AUTS2: variants seen among roughly 807,000 people sequenced by gnomAD.
AUTS2 encodes the protein autism susceptibility gene 2 protein.
A neutral mutation model predicts 112.4 loss-of-function variants in AUTS2; 17 were observed. The ratio of observed to expected loss-of-function variants is 0.15; its 90% CI spans 0.10 to 0.23. The LOEUF (loss-of-function observed/expected upper bound fraction) is 0.23. Ranked by LOEUF, AUTS2 falls within the 10% of genes least tolerant of loss-of-function variation. The pLI is 1.00. For missense variants in AUTS2, 1,510 were observed against 1,701.6 expected (o/e 0.89, Z 1.98); for synonymous variants, 751 against 702.7 (o/e 1.07, Z -1.09).
intron 1 of AUTS2, among the ~76,000 whole-genome samples, chr7:69,846,941 A>G (rs191823320): frequency 6.6e-6 from 1 of 152,332 alleles, no homozygotes; most frequent in East Asian, 1.9e-4. Context: ...ATATGGAGCA[A>G]GCTAAGTCAT....
At chr7:69,704,006 T>C (rs973434155) in intron 1 of AUTS2, among the ~76,000 whole-genome samples, 11 of 152,198 alleles carry the variant, frequency 7.2e-5, no homozygotes, top group Admixed American at 4.6e-4. Context: ...GCTGCTGTGC[T>C]TCTGAGCTTT....
At chr7:69,691,174 G>A (rs548240849) in intron 1 of AUTS2, among the ~76,000 whole-genome samples, 1 of 152,188 alleles carries the variant, frequency 6.6e-6, no homozygotes, top group Non-Finnish European at 1.5e-5. Context: ...TCCATGGGTG[G>A]CCATGAGTGG....
rs199945820 is a variant in AUTS2, at chr7:69,599,841, C to T, written c.188C>T (p.Pro63Leu). 1.1e-5 allele frequency: 17 copies of T among 1,611,938 alleles called. No individual in the cohort carries two copies. In the Admixed American group the frequency reaches 1.8e-4, roughly 17 times the overall value. Residue 63 changes from proline (P) to leucine (L), a missense_variant, in exon 1 of 19, where the codon CCG (proline) becomes CTG (leucine). Physicochemically the swap from Pro to Leu is moderately conservative, Grantham distance 98. Around this residue, in one of 3 missense-constraint regions of AUTS2, gnomAD observed 535 missense variants for 594.3 expected, o/e 0.90. Coordinates refer to ENST00000342771, the MANE Select transcript of AUTS2 (RefSeq NM_015570.4). The surrounding 1 kb of genome is among the most constrained non-coding windows in gnomAD (Gnocchi z 7.0). ...GSDKEDNGKP[P>L]SSAPSRPRPP... ...GACAAGGAAGACAATGGGAAGCCCC[C>T]GTCCTCCGCCCCGTCCCGGCCCAGA...
At chr7:70,406,032 C>T (rs936318880) in intron 4 of AUTS2, among the ~76,000 whole-genome samples, 1 of 152,052 alleles carries the variant, frequency 6.6e-6, no homozygotes, top group African/African-American at 2.4e-5. Context: ...CAGTCCTCCC[C>T]CTGAAGGTAT....
intron 4 of AUTS2, among the ~76,000 whole-genome samples, chr7:70,420,628 G>A (rs1795178573): frequency 6.6e-6 from 1 of 152,238 alleles, no homozygotes; most frequent in African/African-American, 2.4e-5. Context: ...CTTGGAGCTA[G>A]GAGGCTCCTT....
chr7:69,735,942 A>G (rs925626024), intron 1 of AUTS2, among the ~76,000 whole-genome samples: 1 of 152,194 alleles, frequency 6.6e-6, no homozygotes, highest in African/African-American at 2.4e-5. Context: ...CTCTGCTTCC[A>G]AGATTAATTC....
intron 5 of AUTS2, among the ~76,000 whole-genome samples, chr7:70,689,725 A>G (rs911469020): frequency 2.7e-5 from 4 of 147,262 alleles, no homozygotes; most frequent in African/African-American, 7.6e-5. Flanking sequence ...GCAGTGAGCC[A>G]AGATCACACC....
Position 70,790,712 on chromosome 7 carries a change from C to T in AUTS2, c.3496C>T (p.Arg1166Trp), listed in dbSNP as rs1168188278. 6.2e-7 allele frequency: 1 copy of T among 1,613,636 alleles called. No homozygotes were observed. The highest frequency in any genetic ancestry group is 1.3e-5 in the African/African-American group (1 of 75,042). ...HMLREDYEHT[R>W]LHSVHPASLD... The stretch of plus-strand genomic sequence containing the variant: ...GCTCAGAGAAGACTACGAGCACACG[C>T]GGCTCCACTCCGTGCACCCCGCCTC... Residue 1166 changes from arginine to tryptophan, a missense_variant, in exon 19 of 19, where the codon CGG (arginine) becomes TGG (tryptophan). By Grantham distance (101) the Arg-to-Trp change is moderately radical. This residue lies in a region of AUTS2 where 788 missense variants were observed against 797.6 expected (regional missense o/e 0.99). Transcript: ENST00000342771. The surrounding 1 kb of genome is among the most constrained non-coding windows in gnomAD (Gnocchi z 7.6).
intron 1 of AUTS2, among the ~76,000 whole-genome samples, chr7:69,819,742 C>CA (rs1790905028): frequency 6.6e-6 from 1 of 152,160 alleles, no homozygotes; most frequent in South Asian, 2.1e-4. Context: ...GTCAGCTTCC[C>CA]AAATAGCTGG....
At chr7:70,781,935 T>C in intron 15 of AUTS2, 179 bp downstream of exon 15, 1 of 687,944 alleles carries the variant, frequency 1.5e-6, no homozygotes, top group South Asian at 2.1e-5. Flanking sequence ...ATTGATACAC[T>C]CTCTTTCATT....
At chr7:70,709,129 G>A (rs940221339) in intron 6 of AUTS2, among the ~76,000 whole-genome samples, 7 of 151,724 alleles carry the variant, frequency 4.6e-5, no homozygotes, top group Non-Finnish European at 8.8e-5. Flanking sequence ...ATGTTGGCCA[G>A]GCTGGTCTTG....
At chr7:69,678,837 T>C (rs1796680168) in intron 1 of AUTS2, among the ~76,000 whole-genome samples, 2 of 152,230 alleles carry the variant, frequency 1.3e-5, no homozygotes, top group African/African-American at 4.8e-5. Flanking sequence ...ACTTGCCCAC[T>C]GTATTATATT....
chr7:70,612,451 A>G (rs1804143967), intron 5 of AUTS2, among the ~76,000 whole-genome samples: 1 of 151,968 alleles, frequency 6.6e-6, no homozygotes, highest in African/African-American at 2.4e-5. Context: ...AGACATGCAG[A>G]TCAGCTCTCC....
At chr7:69,884,157 T>C (rs1246680709) in intron 1 of AUTS2, among the ~76,000 whole-genome samples, 1 of 152,198 alleles carries the variant, frequency 6.6e-6, no homozygotes, top group Non-Finnish European at 1.5e-5. Flanking sequence ...TGAGGATGTA[T>C]AGGCATGCTT....
intron 1 of AUTS2, among the ~76,000 whole-genome samples, chr7:69,746,855 A>T (rs1021927611): frequency 1.3e-5 from 2 of 151,996 alleles, no homozygotes; most frequent in African/African-American, 2.4e-5. Flanking sequence ...TGTGGGGGGA[A>T]ACTCAGATCT....
chr7:69,923,373 T>C (rs1315026702), intron 2 of AUTS2, among the ~76,000 whole-genome samples: 1 of 152,220 alleles, frequency 6.6e-6, no homozygotes, highest in Admixed American at 6.5e-5. Flanking sequence ...CTATACTGTC[T>C]TTATTACTGT....
At chr7:70,477,425 T>A (rs1008685117) in intron 5 of AUTS2, among the ~76,000 whole-genome samples, 1 of 152,204 alleles carries the variant, frequency 6.6e-6, no homozygotes, top group African/African-American at 2.4e-5. Flanking sequence ...GAAGTCACTT[T>A]TCCAGACTCC....
chr7:70,161,414 C>T (rs572939292), intron 4 of AUTS2, among the ~76,000 whole-genome samples: 2 of 151,762 alleles, frequency 1.3e-5, no homozygotes, highest in Non-Finnish European at 2.9e-5. Context: ...TTAGGGTGAT[C>T]CCAGCTTATC....
intron 4 of AUTS2, among the ~76,000 whole-genome samples, chr7:70,418,699 G>A (rs958202577): frequency 2.6e-5 from 4 of 152,154 alleles, no homozygotes; most frequent in Admixed American, 6.5e-5. Flanking sequence ...ACGTTTACAT[G>A]CCGTTGTGCA....
Sources: gnomAD v4.1 joint callset for allele counts (sites outside exome capture counted in the v4.1 genomes callset) on GRCh38, gnomAD v4.1.1 for gene constraint, gnomAD v4.1.1 regional missense constraint, Gnocchi (gnomAD v3.1) non-coding constraint, MANE v1.5 for transcripts, NCBI Gene and HGNC (gene_info 2026-07-23, HGNC 2026-07-21) for gene names.